ACACA: variants seen among roughly 807,000 people sequenced by gnomAD.
ACACA encodes acetyl-CoA carboxylase 1.
ACACA carries 103 observed loss-of-function variants against 296.1 expected under a neutral mutation model. That is an observed-to-expected ratio of 0.35 (90% CI 0.30 to 0.41). ACACA has a LOEUF of 0.41. Ranked by LOEUF, ACACA falls within the 10% of genes least tolerant of loss-of-function variation. ACACA has a pLI of 1.00. For synonymous variants in ACACA, 953 were observed against 1,038.6 expected (o/e 0.92, Z 1.58); for missense variants, 1,554 against 2,989.7 (o/e 0.52, Z 11.20).
Position 37,161,765 on chromosome 17 carries a change from T to C in ACACA, c.5349+16A>G, listed in dbSNP as rs759787778. On this transcript the variant is annotated intron_variant, in intron 42 of 55. Transcript: ENST00000616317. The stretch of plus-strand genomic sequence containing the variant: ...CCATATAGCACCTTGAAGTAGTATA[T>C]GCTCTTAGTGTGTACCTTGTAAGGA... 36 of 1,607,414 alleles carry C rather than the reference T, an allele frequency of 2.2e-5. No individual in the cohort carries two copies. Among genetic ancestry groups the C allele is most frequent in the Non-Finnish European group, 3.0e-5 (35 of 1,179,946 alleles).
At chr17:37,249,902 C>G (rs2080902398) in intron 16 of ACACA, among the ~76,000 whole-genome samples, 1 of 152,158 alleles carries the variant, frequency 6.6e-6, no homozygotes, top group South Asian at 2.1e-4. Context: ...GGGCGGTTCC[C>G]CCATACTGTT....
intron 52 of ACACA, 53 bp from the exon 53 acceptor site, chr17:37,098,037 T>C (rs2073098315): frequency 6.2e-7 from 1 of 1,611,784 alleles, no homozygotes; most frequent in Non-Finnish European, 8.5e-7. Context: ...GGAATCTCTC[T>C]GCACAAAAGC....
chr17:37,248,159 G>A lies in ACACA; in HGVS notation c.2164-3C>T. On this transcript the variant is annotated splice_polypyrimidine_tract_variant and splice_region_variant and intron_variant, in intron 17 of 55. Transcript: ENST00000616317. ...GAGTTGGGGGACTGTCGAGTCACCTGTAGGGAATGAGAATGAGGATCAGTG... is the reference window on the plus strand; with the variant it reads ...GAGTTGGGGGACTGTCGAGTCACCTATAGGGAATGAGAATGAGGATCAGTG... The A allele has an allele frequency of 6.2e-7, 1 of 1,614,080 alleles. No homozygotes were observed. The highest frequency in any genetic ancestry group is 2.2e-5 in the East Asian group (1 of 44,880).
At chr17:37,203,003 G>A (rs973602761) in intron 33 of ACACA, among the ~76,000 whole-genome samples, 3 of 146,810 alleles carry the variant, frequency 2.0e-5, no homozygotes, top group Non-Finnish European at 4.5e-5. Flanking sequence ...TTGTTCTGTC[G>A]CCAGGCTGGA....
chr17:37,375,102 G>A (rs943191232), intron 1 of ACACA, among the ~76,000 whole-genome samples: 2 of 152,060 alleles, frequency 1.3e-5, no homozygotes, highest in African/African-American at 4.8e-5. Flanking sequence ...ACTGAGGCAG[G>A]AGAATCACTT....
intron 41 of ACACA, among the ~76,000 whole-genome samples, chr17:37,165,535 C>T (rs1294281593): frequency 6.6e-6 from 1 of 152,088 alleles, no homozygotes; most frequent in East Asian, 1.9e-4. Flanking sequence ...CTTTGTCTTT[C>T]TCTCTCCTCT....
At chr17:37,202,091 G>A (rs1004735077) in intron 33 of ACACA, among the ~76,000 whole-genome samples, 1 of 151,994 alleles carries the variant, frequency 6.6e-6, no homozygotes, top group Non-Finnish European at 1.5e-5. Flanking sequence ...ACAACAATAT[G>A]AAAAAAATGT....
chr17:37,305,002 T>C (rs1386243246), intron 3 of ACACA, among the ~76,000 whole-genome samples: 1 of 152,246 alleles, frequency 6.6e-6, no homozygotes, highest in Non-Finnish European at 1.5e-5. Context: ...TTTAGGTCTT[T>C]GAACACATTT....
intron 55 of ACACA, among the ~76,000 whole-genome samples, chr17:37,088,354 C>T (rs995446039): frequency 6.6e-6 from 1 of 152,044 alleles, no homozygotes; most frequent in Non-Finnish European, 1.5e-5. Flanking sequence ...AATGTATACA[C>T]ATATGGGAGG....
intron 47 of ACACA, 59 bp from the exon 48 acceptor site, chr17:37,125,853 C>T: frequency 6.9e-7 from 1 of 1,440,720 alleles, no homozygotes; most frequent in Non-Finnish European, 9.7e-7. Flanking sequence ...TGACAATGTG[C>T]TGGAACTGAC....
At chr17:37,354,159 C>A (rs1397965407) in intron 1 of ACACA, among the ~76,000 whole-genome samples, 3 of 152,120 alleles carry the variant, frequency 2.0e-5, no homozygotes, top group Non-Finnish European at 2.9e-5. Context: ...ATAACCACTC[C>A]ATAAATAGTA....
Position 37,210,453 on chromosome 17 carries a change from T to A in ACACA, c.3707+14A>T. The A allele has an allele frequency of 6.2e-7, 1 of 1,609,906 alleles. No homozygotes were observed. Among genetic ancestry groups the A allele is most frequent in the South Asian group, 1.1e-5 (1 of 90,948 alleles). ...AGGTGCTTTTAATTGGAAAAGAAAC[T>A]AAACATACGGTACCTGTTTAGCGTA... On this transcript the variant is annotated intron_variant, in intron 30 of 55. Coordinates refer to ENST00000616317, the MANE Select transcript of ACACA (RefSeq NM_198834.3).
chr17:37,191,540 G>C (rs1377830920), intron 37 of ACACA, among the ~76,000 whole-genome samples: 2 of 152,130 alleles, frequency 1.3e-5, no homozygotes, highest in Admixed American at 1.3e-4. Context: ...CATCCCCATA[G>C]CTGTAAGTTC....
At position 37,363,812 on chromosome 17, in the gene ACACA, CCT is replaced by C. The variant is rs201363672; in HGVS notation, c.39-23964_39-23963del. 9.7e-3 allele frequency among the ~76,000 whole-genome samples: 1,476 copies of C among 151,620 alleles called. 27 individuals carry two copies. Among genetic ancestry groups the C allele is most frequent in the African/African-American group, 0.034 (1,417 of 41,302 alleles). Reference sequence around the variant, plus strand: ...ACCAGCCTGGCCAACATAGTGAAACCCTGTCTCTAATAAAAATACAAAATTTG... The same window carrying C: ...ACCAGCCTGGCCAACATAGTGAAACCGTCTCTAATAAAAATACAAAATTTG... On this transcript the variant is annotated intron_variant, in intron 1 of 55. Transcript: ENST00000616317.
At chr17:37,381,791 T>C (rs528025945) in intron 1 of ACACA, among the ~76,000 whole-genome samples, 1,794 of 151,652 alleles carry the variant, frequency 0.012, 21 homozygotes, top group Non-Finnish European at 0.019. Flanking sequence ...CCACACCCAG[T>C]TAATTTTTTG....
At chr17:37,224,547 A>C (rs567957700) in intron 27 of ACACA, among the ~76,000 whole-genome samples, 32 of 152,254 alleles carry the variant, frequency 2.1e-4, no homozygotes, top group Non-Finnish European at 3.5e-4. Context: ...ATTAACATAA[A>C]ATTAAAATTA....
At chr17:37,304,627 C>G (rs2083782617) in intron 3 of ACACA, among the ~76,000 whole-genome samples, 2 of 152,066 alleles carry the variant, frequency 1.3e-5, no homozygotes, top group African/African-American at 4.8e-5. Context: ...AACCCCATCT[C>G]TACTAAAAAT....
intron 1 of ACACA, among the ~76,000 whole-genome samples, chr17:37,357,023 C>A (rs1156666233): frequency 6.6e-6 from 1 of 152,194 alleles, no homozygotes; most frequent in Non-Finnish European, 1.5e-5. Flanking sequence ...TTAGAGAGGT[C>A]AACATCAGAT....
intron 54 of ACACA, among the ~76,000 whole-genome samples, chr17:37,089,999 C>T (rs2072504160): frequency 6.6e-6 from 1 of 152,200 alleles, no homozygotes; most frequent in Non-Finnish European, 1.5e-5. Flanking sequence ...CGCTATCCTT[C>T]TCTGTTATCA....
Sources: gnomAD v4.1 joint callset for allele counts (sites outside exome capture counted in the v4.1 genomes callset) on GRCh38, gnomAD v4.1.1 for gene constraint, MANE v1.5 for transcripts, NCBI Gene and HGNC (gene_info 2026-07-23, HGNC 2026-07-21) for gene names.